Variants in FGF12 observed in about 807,000 individuals in gnomAD.
FGF12 encodes the protein fibroblast growth factor 12B.
Under a neutral mutation model 23.6 loss-of-function variants are expected in FGF12, and 14 were observed. That is an observed-to-expected ratio of 0.59 (90% CI 0.39 to 0.93). The LOEUF (loss-of-function observed/expected upper bound fraction) is 0.93, where lower values mean the gene tolerates loss of function less well. Ranked by LOEUF, FGF12 falls within the 40% of genes least tolerant of loss-of-function variation. The probability of loss-of-function intolerance (pLI) is 0.00; values close to 1 mark genes in which losing one functional copy is unlikely to be tolerated. For synonymous variants in FGF12, 62 were observed against 77.3 expected (o/e 0.80, Z 1.04); for missense variants, 175 against 217.8 (o/e 0.80, Z 1.24).
At chr3:192,165,467 G>A (rs1379952674) in intron 5 of FGF12, among the ~76,000 whole-genome samples, 4 of 151,594 alleles carry the variant, frequency 2.6e-5, no homozygotes, top group African/African-American at 7.3e-5. Flanking sequence ...GGCTTATAAC[G>A]ACTGCCACAC....
At chr3:192,482,822 A>T (rs952711794) in intron 2 of FGF12, among the ~76,000 whole-genome samples, 1 of 152,194 alleles carries the variant, frequency 6.6e-6, no homozygotes, top group Non-Finnish European at 1.5e-5. Context: ...TAGATAATAT[A>T]AAAAAGCTTA....
chr3:192,258,128 C>A (rs932531353), intron 4 of FGF12, among the ~76,000 whole-genome samples: 2 of 151,388 alleles, frequency 1.3e-5, no homozygotes, highest in Non-Finnish European at 2.9e-5. Flanking sequence ...GAAAATTTTG[C>A]ATGAGGAAAA....
chr3:192,368,721 T>C (rs1170519419), intron 2 of FGF12, among the ~76,000 whole-genome samples: 3 of 152,164 alleles, frequency 2.0e-5, no homozygotes, highest in Non-Finnish European at 4.4e-5. Flanking sequence ...AGCATGACCA[T>C]GCCCATTCAC....
intron 2 of FGF12, among the ~76,000 whole-genome samples, chr3:192,637,916 G>A (rs995174053): frequency 6.6e-6 from 1 of 152,138 alleles, no homozygotes; most frequent in African/African-American, 2.4e-5. Context: ...AACCTGAAAT[G>A]CAGAAAGAAA....
At chr3:192,673,861 T>C (rs575522550) in intron 2 of FGF12, among the ~76,000 whole-genome samples, 1 of 151,238 alleles carries the variant, frequency 6.6e-6, no homozygotes, top group African/African-American at 2.4e-5. Flanking sequence ...CATGTGCATG[T>C]ATCTTTATAA....
intron 2 of FGF12, among the ~76,000 whole-genome samples, chr3:192,588,362 A>AG (rs1553835732): frequency 2.7e-5 from 4 of 146,866 alleles, no homozygotes; most frequent in Admixed American, 1.4e-4. Flanking sequence ...AAAAAAAAAA[A>AG]AAAAAGAAAA....
chr3:192,310,196 A>G (rs997124415), intron 4 of FGF12, among the ~76,000 whole-genome samples: 1 of 152,230 alleles, frequency 6.6e-6, no homozygotes, highest in Non-Finnish European at 1.5e-5. Flanking sequence ...ATAGACTTCT[A>G]TGACTTTAGA....
chr3:192,670,476 A>G (rs1212525568), intron 2 of FGF12, among the ~76,000 whole-genome samples: 2 of 152,166 alleles, frequency 1.3e-5, no homozygotes, highest in East Asian at 3.8e-4. Context: ...TCACACGTGG[A>G]CAATCTTTAA....
chr3:192,475,878 T>C (rs11918521), intron 2 of FGF12, among the ~76,000 whole-genome samples: 3 of 152,014 alleles, frequency 2.0e-5, no homozygotes, highest in South Asian at 2.1e-4. Context: ...ATAGATCAGA[T>C]AGATGATAGA....
At chr3:192,526,925 TAAAG>T (rs1190889751) in intron 2 of FGF12, among the ~76,000 whole-genome samples, 2 of 152,014 alleles carry the variant, frequency 1.3e-5, no homozygotes, top group African/African-American at 4.8e-5. Flanking sequence ...ATGATAAAAA[TAAAG>T]GAAGTCTTGA....
At chr3:192,208,520 T>TA (rs1429874028) in intron 4 of FGF12, among the ~76,000 whole-genome samples, 2 of 152,234 alleles carry the variant, frequency 1.3e-5, no homozygotes, top group African/African-American at 4.8e-5. Context: ...GAACATGTTG[T>TA]AATTTGGATA....
intron 2 of FGF12, among the ~76,000 whole-genome samples, chr3:192,651,503 C>T (rs1010592770): frequency 1.3e-5 from 2 of 152,006 alleles, no homozygotes; most frequent in Admixed American, 6.6e-5. Flanking sequence ...TCATTTTTCC[C>T]CTCGCCTTTG....
chr3:192,409,060 C>T lies in FGF12; in HGVS notation c.14-48522G>A. On this transcript the variant is annotated intron_variant, in intron 2 of 5. Coordinates refer to ENST00000445105, the MANE Select transcript of FGF12 (RefSeq NM_004113.6). The surrounding 1 kb of genome is among the most constrained non-coding windows in gnomAD (Gnocchi z 4.8). ...CCGGCCAGCAGCACTGCAAAGAGAG[C>T]GGGAGGCGAGGGAGGGGGGAGGGCG... 1.6e-6 allele frequency: 1 copy of T among 635,016 alleles called. No individual in the cohort carries two copies. The allele number at this position is 635,016 out of a possible 1,614,324, so 39.3% of individuals were successfully genotyped here. A position where few individuals can be genotyped will look rare whatever the true frequency, so the allele number is the denominator to read the frequency against.
chr3:192,382,757 T>C (rs779043218), intron 2 of FGF12, among the ~76,000 whole-genome samples: 5 of 152,184 alleles, frequency 3.3e-5, no homozygotes, highest in Non-Finnish European at 7.3e-5. Flanking sequence ...CCCCAAAATA[T>C]ATAATTATTA....
chr3:192,357,950 G>T (rs1718551223), intron 3 of FGF12, among the ~76,000 whole-genome samples: 1 of 151,920 alleles, frequency 6.6e-6, no homozygotes, highest in Admixed American at 6.6e-5. Flanking sequence ...AAAGGAAAAT[G>T]AATAAATATG....
At chr3:192,695,721 G>T (rs1718097818) in intron 2 of FGF12, among the ~76,000 whole-genome samples, 2 of 152,270 alleles carry the variant, frequency 1.3e-5, no homozygotes, top group South Asian at 2.1e-4. Flanking sequence ...TGGATGAGGG[G>T]TTGTTTACCC....
In FGF12 at chr3:192,140,150, A is replaced by T. The variant is rs897653142; in HGVS notation, c.*3859T>A. 6.6e-6 allele frequency: 1 copy of T among 152,204 alleles called. No homozygotes were observed. Among genetic ancestry groups the T allele is most frequent in the East Asian group, 1.9e-4 (1 of 5,190 alleles). The allele number at this position is 152,204 out of a possible 1,614,324, so 9.4% of individuals were successfully genotyped here. Reference sequence around the variant, plus strand: ...TATTTTTGATTACCTATGACTAAAGACCACAAATCAAATAAAAACTCATAT... The same window carrying T: ...TATTTTTGATTACCTATGACTAAAGTCCACAAATCAAATAAAAACTCATAT... On this transcript the variant is annotated 3_prime_UTR_variant, in exon 6 of 6. Coordinates refer to ENST00000445105, the MANE Select transcript of FGF12 (RefSeq NM_004113.6).
At chr3:192,677,330 C>T (rs959113347) in intron 2 of FGF12, among the ~76,000 whole-genome samples, 1 of 152,200 alleles carries the variant, frequency 6.6e-6, no homozygotes, top group Non-Finnish European at 1.5e-5. Context: ...AGCCTTCCCC[C>T]TATTCCTGAT....
chr3:192,141,541 A>T lies in FGF12; in HGVS notation c.*2468T>A, dbSNP rs1274033801. Reference sequence around the variant, plus strand: ...ATTTTACTGCAGTGAACATTTGCTTAACATAATACGGAGAAAAACAATATA... The same window carrying T: ...ATTTTACTGCAGTGAACATTTGCTTTACATAATACGGAGAAAAACAATATA... On this transcript the variant is annotated 3_prime_UTR_variant, in exon 6 of 6. Coordinates refer to ENST00000445105, the MANE Select transcript of FGF12 (RefSeq NM_004113.6). 1 of 152,032 alleles carries T rather than the reference A, an allele frequency of 6.6e-6. No homozygotes were observed. Among genetic ancestry groups the T allele is most frequent in the Admixed American group, 6.5e-5 (1 of 15,268 alleles). 9.4% of individuals were successfully genotyped at this position (152,032 alleles called of 1,614,324 possible). A position where few individuals can be genotyped will look rare whatever the true frequency, so the allele number is the denominator to read the frequency against.
Sources: gnomAD v4.1 joint callset for allele counts (sites outside exome capture counted in the v4.1 genomes callset) on GRCh38, gnomAD v4.1.1 for gene constraint, Gnocchi (gnomAD v3.1) non-coding constraint, MANE v1.5 for transcripts, NCBI Gene and HGNC (gene_info 2026-07-23, HGNC 2026-07-21) for gene names.